Variants in EFCAB6 observed in about 807,000 individuals in gnomAD.
EFCAB6 encodes EF-hand calcium binding domain 6.
A neutral mutation model predicts 169.8 loss-of-function variants in EFCAB6; 156 were observed. That is an observed-to-expected ratio of 0.92 (90% CI 0.81 to 1.05). The LOEUF is 1.05. EFCAB6 is among the 50% of genes least tolerant of loss of function. The probability of loss-of-function intolerance (pLI) is 0.00; values close to 1 mark genes in which losing one functional copy is unlikely to be tolerated. For missense variants in EFCAB6, 1,800 were observed against 1,829.1 expected (o/e 0.98, Z 0.29); for synonymous variants, 698 against 676.4 (o/e 1.03, Z -0.50).
At chr22:43,710,095 A>C (rs975321513) in intron 10 of EFCAB6, among the ~76,000 whole-genome samples, 12 of 152,130 alleles carry the variant, frequency 7.9e-5, no homozygotes, top group Non-Finnish European at 1.6e-4. Flanking sequence ...ATTTCCCCCC[A>C]AAAAAGGTTC....
At chr22:43,600,954 C>T (rs1390169405) in intron 22 of EFCAB6, among the ~76,000 whole-genome samples, 1 of 152,206 alleles carries the variant, frequency 6.6e-6, no homozygotes, top group Non-Finnish European at 1.5e-5. Flanking sequence ...TGAGCTGCCA[C>T]ACCTCGCCCG....
intron 11 of EFCAB6, among the ~76,000 whole-genome samples, chr22:43,686,690 C>T (rs908177776): frequency 6.6e-6 from 1 of 151,990 alleles, no homozygotes; most frequent in Non-Finnish European, 1.5e-5. Context: ...TTCACAAATC[C>T]CCGAGACAGG....
chr22:43,735,372 A>T (rs977742355), intron 7 of EFCAB6, among the ~76,000 whole-genome samples: 1 of 152,022 alleles, frequency 6.6e-6, no homozygotes, highest in East Asian at 1.9e-4. Flanking sequence ...CACCTCAGCA[A>T]CAACGGTCCT....
At chr22:43,579,837 TC>T (rs1170522364) in intron 25 of EFCAB6, among the ~76,000 whole-genome samples, 95 of 150,520 alleles carry the variant, frequency 6.3e-4, no homozygotes, top group African/African-American at 2.2e-3. Context: ...CAGGCATCAT[TC>T]TCTATATGCA....
At chr22:43,588,995 G>A (rs989393666) in intron 24 of EFCAB6, among the ~76,000 whole-genome samples, 1 of 152,070 alleles carries the variant, frequency 6.6e-6, no homozygotes, top group Non-Finnish European at 1.5e-5. Flanking sequence ...GGAGGCTGAG[G>A]GGGCTGAGAT....
chr22:43,558,411 ATT>A (rs57234106), intron 26 of EFCAB6, among the ~76,000 whole-genome samples: 5 of 147,196 alleles, frequency 3.4e-5, no homozygotes, highest in African/African-American at 1.2e-4. Context: ...GGCATACCTC[ATT>A]TTTTTTTTTG....
chr22:43,708,141 TCA>T (rs1238705731), intron 10 of EFCAB6, among the ~76,000 whole-genome samples: 1 of 148,286 alleles, frequency 6.7e-6, no homozygotes, highest in Non-Finnish European at 1.5e-5. Flanking sequence ...GCACAGTGGC[TCA>T]CGCCTGTAAT....
rs2060499962 is a variant in EFCAB6 at position 43,744,665 on chromosome 22, C to T, written c.508-8672G>A. On this transcript the variant is annotated intron_variant, in intron 6 of 31. Transcript: ENST00000262726. This position sits in a 1 kb window ranked among gnomAD's most constrained non-coding sequence, Gnocchi z 4.3. Reference sequence around the variant, plus strand: ...GGGGGCTAAGTCAGGGCTGATCTTCCTCAACAGGAAACCATGAAGTTCAGA... The same window carrying T: ...GGGGGCTAAGTCAGGGCTGATCTTCTTCAACAGGAAACCATGAAGTTCAGA... Among the ~76,000 whole-genome samples the T allele has an allele frequency of 6.6e-6, 1 of 152,094 alleles. No individual in the cohort carries two copies. Among genetic ancestry groups the T allele is most frequent in the South Asian group, 2.1e-4 (1 of 4,828 alleles).
At chr22:43,727,231 G>C (rs1383766899) in intron 8 of EFCAB6, among the ~76,000 whole-genome samples, 4 of 152,186 alleles carry the variant, frequency 2.6e-5, no homozygotes, top group Admixed American at 2.6e-4. Flanking sequence ...TTTGAGACTA[G>C]GCTGGGCATG....
chr22:43,576,197 T>C, intron 26 of EFCAB6, 100 bp downstream of exon 26: 1 of 1,015,556 alleles, frequency 9.8e-7, no homozygotes, highest in Non-Finnish European at 1.4e-6. Context: ...ATGAGGTGAT[T>C]GCCAATTTAT....
intron 26 of EFCAB6, among the ~76,000 whole-genome samples, chr22:43,559,694 G>A (rs560240706): frequency 6.6e-4 from 101 of 152,302 alleles, no homozygotes; most frequent in African/African-American, 2.4e-3. Context: ...AAAAAATAAT[G>A]AGTTCATGTC....
chr22:43,692,774 C>G (rs2058453960), intron 10 of EFCAB6, among the ~76,000 whole-genome samples: 1 of 151,616 alleles, frequency 6.6e-6, no homozygotes, highest in African/African-American at 2.4e-5. Context: ...CATATATGTA[C>G]TTGGAGTCAC....
intron 2 of EFCAB6, among the ~76,000 whole-genome samples, chr22:43,806,006 A>T (rs2062903968): frequency 6.6e-6 from 1 of 152,042 alleles, no homozygotes; most frequent in African/African-American, 2.4e-5. Flanking sequence ...CTCTACTAAA[A>T]ATACAAAAAC....
At chr22:43,724,431 G>A (rs969836107) in intron 8 of EFCAB6, among the ~76,000 whole-genome samples, 2 of 144,376 alleles carry the variant, frequency 1.4e-5, no homozygotes, top group African/African-American at 5.2e-5. Flanking sequence ...GCAGTGACAC[G>A]ATCTTGGCTT....
Position 43,782,244 on chromosome 22 carries a change from G to C in EFCAB6, c.75C>G (p.Pro25=). The C allele has an allele frequency of 6.2e-7, 1 of 1,613,962 alleles. No homozygotes were observed. Among genetic ancestry groups the C allele is most frequent in the South Asian group, 1.1e-5 (1 of 91,068 alleles). Residue 25 remains proline (P), a synonymous_variant, in exon 3 of 32, where the codon CCC becomes CCG. Coordinates refer to ENST00000262726, the MANE Select transcript of EFCAB6 (RefSeq NM_022785.4). ...PHTRKFTHSR[P]HSSPCRVYSR... Reference sequence around the variant, plus strand: ...AATATACTCTACACGGTGAAGAATGGGGTCTTGAATGTGTAAATTTTCGTG... The same window carrying C: ...AATATACTCTACACGGTGAAGAATGCGGTCTTGAATGTGTAAATTTTCGTG...
intron 17 of EFCAB6, among the ~76,000 whole-genome samples, chr22:43,642,357 C>T (rs1039060162): frequency 6.6e-6 from 1 of 152,054 alleles, no homozygotes; most frequent in East Asian, 1.9e-4. Context: ...ATTTTTATTT[C>T]TTTACATACC....
intron 27 of EFCAB6, among the ~76,000 whole-genome samples, chr22:43,546,168 C>A (rs150277322): frequency 2.6e-5 from 4 of 152,324 alleles, no homozygotes; most frequent in Non-Finnish European, 5.9e-5. Context: ...AATACCAGAA[C>A]TGACAAGTCA....
At chr22:43,703,876 A>T (rs937802074) in intron 10 of EFCAB6, among the ~76,000 whole-genome samples, 7 of 152,108 alleles carry the variant, frequency 4.6e-5, no homozygotes, top group Non-Finnish European at 1.0e-4. Flanking sequence ...ATTATGGGAC[A>T]CCATCAAGGG....
intron 24 of EFCAB6, among the ~76,000 whole-genome samples, chr22:43,589,280 CA>C (rs1163346832): frequency 4.4e-4 from 36 of 80,952 alleles, no homozygotes; most frequent in Middle Eastern, 8.5e-3. Flanking sequence ...GACTTCATGT[CA>C]AAAAAAAAAA....
Sources: allele counts gnomAD v4.1 joint callset (sites outside exome capture counted in the v4.1 genomes callset), GRCh38; gene constraint gnomAD v4.1.1; non-coding constraint Gnocchi (gnomAD v3.1); transcripts MANE v1.5; gene names NCBI Gene and HGNC (gene_info 2026-07-23, HGNC 2026-07-21).